The following CTNNA3 variants were observed in gnomAD, a reference collection of about 807,000 sequenced individuals.
CTNNA3 encodes the protein catenin alpha-3.
Under a neutral mutation model 95.7 loss-of-function variants are expected in CTNNA3, and 76 were observed. That is an observed-to-expected ratio of 0.79 (90% CI 0.66 to 0.96). CTNNA3 has a LOEUF of 0.96. CTNNA3 is among the 40% of genes least tolerant of loss of function. The pLI, the probability that CTNNA3 is intolerant of heterozygous loss-of-function variation, is 0.00. For missense variants in CTNNA3, 1,191 were observed against 1,089.8 expected (o/e 1.09, Z -1.31); for synonymous variants, 431 against 374.4 (o/e 1.15, Z -1.74).
At chr10:66,704,034 G>C (rs1848038301) in intron 9 of CTNNA3, among the ~76,000 whole-genome samples, 1 of 151,964 alleles carries the variant, frequency 6.6e-6, no homozygotes, top group South Asian at 2.1e-4. Flanking sequence ...CCTCATTATA[G>C]ATCTTTGCTT....
chr10:66,454,311 T>C (rs1228045650), intron 11 of CTNNA3, among the ~76,000 whole-genome samples: 1 of 152,156 alleles, frequency 6.6e-6, no homozygotes, highest in Non-Finnish European at 1.5e-5. Context: ...CTGAAAAGTC[T>C]TTTAAATGCC....
At chr10:67,670,373 T>C (rs1564821272) in intron 1 of CTNNA3, among the ~76,000 whole-genome samples, 1 of 152,208 alleles carries the variant, frequency 6.6e-6, no homozygotes, top group Non-Finnish European at 1.5e-5. Context: ...AAGAAATATA[T>C]GTACAAAAAC....
chr10:65,920,618 C>A lies in CTNNA3; in HGVS notation c.2401-1G>T, dbSNP rs2077069453. The stretch of plus-strand genomic sequence containing the variant: ...GGATCAGGGATGTGACACTGTCCAA[C>A]TGTAGGGAAAAAAGAGAAAAAAGAG... On this transcript the variant is annotated splice_acceptor_variant, in intron 17 of 17. Coordinates refer to ENST00000433211, the MANE Select transcript of CTNNA3 (RefSeq NM_013266.4). LOFTEE classifies it high-confidence loss of function. 3 of 1,604,630 alleles carry A rather than the reference C, an allele frequency of 1.9e-6. No individual in the cohort carries two copies. Among genetic ancestry groups the A allele is most frequent in the East Asian group, 4.5e-5 (2 of 44,678 alleles).
chr10:66,891,712 T>G (rs1845275878), intron 7 of CTNNA3, among the ~76,000 whole-genome samples: 1 of 152,176 alleles, frequency 6.6e-6, no homozygotes, highest in African/African-American at 2.4e-5. Flanking sequence ...AACGAGAGAA[T>G]GAGAGAGACT....
chr10:66,360,421 C>T (rs751215188), intron 12 of CTNNA3, among the ~76,000 whole-genome samples: 10 of 152,056 alleles, frequency 6.6e-5, no homozygotes, highest in East Asian at 1.9e-4. Context: ...AGATGTTGCT[C>T]ATTACTGAAC....
Position 66,272,856 on chromosome 10 carries a change from C to T in CTNNA3, c.1884+7614G>A, listed in dbSNP as rs150794259. Among the ~76,000 whole-genome samples, 11 of 152,254 alleles carry T rather than the reference C, an allele frequency of 7.2e-5. No individual in the cohort carries two copies. The East Asian group carries it at 2.1e-3, about 29-fold the overall frequency. ...TATGTTCTAATACCTCCAGTGAATG[C>T]CAGAAACCTCGGATAGTAATGAATC... On this transcript the variant is annotated intron_variant, in intron 13 of 17. Coordinates refer to ENST00000433211, the MANE Select transcript of CTNNA3 (RefSeq NM_013266.4).
chr10:66,772,441 AAGAGAG>A (rs10604512), intron 8 of CTNNA3, among the ~76,000 whole-genome samples: 1 of 141,456 alleles, frequency 7.1e-6, no homozygotes, highest in Non-Finnish European at 1.5e-5. Flanking sequence ...AAAAAAAAAA[AAGAGAG>A]AGAGAGAAAA....
intron 10 of CTNNA3, among the ~76,000 whole-genome samples, chr10:66,590,972 C>T (rs76182142): frequency 6.7e-4 from 102 of 152,154 alleles, no homozygotes; most frequent in African/African-American, 2.0e-3. Flanking sequence ...CAATTTAATA[C>T]GGTTTACTGA....
chr10:66,273,421 T>C (rs1379125421), intron 13 of CTNNA3, among the ~76,000 whole-genome samples: 1 of 152,160 alleles, frequency 6.6e-6, no homozygotes, highest in Non-Finnish European at 1.5e-5. Flanking sequence ...GAATTTCTTA[T>C]TTAATATTAT....
chr10:67,687,534 T>C (rs943771334), intron 1 of CTNNA3, among the ~76,000 whole-genome samples: 1 of 152,170 alleles, frequency 6.6e-6, no homozygotes, highest in African/African-American at 2.4e-5. Context: ...CTTTCTCTGA[T>C]CTTGCTTTTC....
chr10:66,371,645 G>A (rs1037775359), intron 12 of CTNNA3, among the ~76,000 whole-genome samples: 16 of 152,002 alleles, frequency 1.1e-4, no homozygotes, highest in African/African-American at 1.9e-4. Flanking sequence ...TTGCTTCCTC[G>A]TTGATAATCA....
intron 7 of CTNNA3, among the ~76,000 whole-genome samples, chr10:66,790,989 T>C (rs1387701188): frequency 2.0e-5 from 3 of 152,156 alleles, no homozygotes; most frequent in Non-Finnish European, 4.4e-5. Flanking sequence ...CAATTCTTTA[T>C]TGCTTAAATT....
At chr10:66,151,058 T>C (rs567769920) in intron 13 of CTNNA3, among the ~76,000 whole-genome samples, 3 of 152,174 alleles carry the variant, frequency 2.0e-5, no homozygotes, top group East Asian at 1.9e-4. Flanking sequence ...AATTATAAAA[T>C]TGATTCATCA....
intron 9 of CTNNA3, among the ~76,000 whole-genome samples, chr10:66,741,784 A>G: frequency 6.6e-6 from 1 of 152,208 alleles, no homozygotes. Context: ...CCTTACTGCA[A>G]TCTCTGAACA....
At chr10:67,156,368 A>G (rs1037072100) in intron 7 of CTNNA3, among the ~76,000 whole-genome samples, 3 of 151,922 alleles carry the variant, frequency 2.0e-5, no homozygotes, top group African/African-American at 7.3e-5. Flanking sequence ...TTGAGATGCA[A>G]AGTTAGATTA....
intron 14 of CTNNA3, among the ~76,000 whole-genome samples, chr10:66,099,723 T>C (rs1291458880): frequency 6.6e-6 from 1 of 152,190 alleles, no homozygotes; most frequent in Non-Finnish European, 1.5e-5. Context: ...AAAGGAAAAT[T>C]TGTGTCTTCC....
At chr10:66,255,690 T>A (rs537653396) in intron 13 of CTNNA3, among the ~76,000 whole-genome samples, 33 of 152,308 alleles carry the variant, frequency 2.2e-4, no homozygotes, top group Non-Finnish European at 3.8e-4. Flanking sequence ...AGGAGTTACA[T>A]AAGCCACTAG....
chr10:66,077,237 C>T (rs1903880), intron 14 of CTNNA3, among the ~76,000 whole-genome samples: 43,191 of 151,508 alleles, frequency 0.29, 6,871 homozygotes, highest in South Asian at 0.43. Context: ...TATGGTTAAA[C>T]TGTTATTTCT....
chr10:66,813,845 AGT>A (rs66464661), intron 7 of CTNNA3, among the ~76,000 whole-genome samples: 33,075 of 149,536 alleles, frequency 0.22, 4,139 homozygotes, highest in East Asian at 0.42. Context: ...TGTGTGTGTG[AGT>A]GTGTGTGTGT....
Sources: gnomAD v4.1 joint callset for allele counts (sites outside exome capture counted in the v4.1 genomes callset) on GRCh38, gnomAD v4.1.1 for gene constraint, MANE v1.5 for transcripts, NCBI Gene and HGNC (gene_info 2026-07-23, HGNC 2026-07-21) for gene names.